IGSF5: variants seen among roughly 807,000 people sequenced by gnomAD.
IGSF5 encodes immunoglobulin superfamily 5 like.
IGSF5 carries 41 observed loss-of-function variants against 39.4 expected under a neutral mutation model. That is an observed-to-expected ratio of 1.04 (90% CI 0.81 to 1.35). IGSF5 has a LOEUF of 1.35. IGSF5 is among the 40% of genes most tolerant of loss of function. The probability of loss-of-function intolerance (pLI) is 0.00; values close to 1 mark genes in which losing one functional copy is unlikely to be tolerated. For synonymous variants in IGSF5, 183 were observed against 175.3 expected (o/e 1.04, Z -0.34); for missense variants, 487 against 494.6 (o/e 0.98, Z 0.15).
chr21:39,744,557 A>G (rs1322894040), upstream of IGSF5, among the ~76,000 whole-genome samples: 1 of 152,184 alleles, frequency 6.6e-6, no homozygotes, highest in African/African-American at 2.4e-5. Flanking sequence ...GGAACCATCT[A>G]TCATCCTGTC....
At chr21:39,794,170 G>A (rs1043906905) in intron 8 of IGSF5, among the ~76,000 whole-genome samples, 6 of 152,230 alleles carry the variant, frequency 3.9e-5, no homozygotes, top group Non-Finnish European at 7.3e-5. Context: ...GGAGAGAGGA[G>A]GAGTCCTTGA....
chr21:39,738,376 C>T, the IGSF5 span, among the ~76,000 whole-genome samples: 2 of 152,234 alleles, frequency 1.3e-5, no homozygotes. This position sits in a 1 kb window ranked among gnomAD's most constrained non-coding sequence, Gnocchi z 6.4. Context: ...ATTCAATTAG[C>T]TCCCTCTGGG....
At chr21:39,764,352 A>G (rs2080075518) in intron 2 of IGSF5, among the ~76,000 whole-genome samples, 2 of 151,924 alleles carry the variant, frequency 1.3e-5, no homozygotes, top group Non-Finnish European at 2.9e-5. Flanking sequence ...CTGCCTTGCC[A>G]TTTTTTTAGA....
chr21:39,787,199 T>C (rs2086927288), intron 5 of IGSF5, among the ~76,000 whole-genome samples: 2 of 152,342 alleles, frequency 1.3e-5, no homozygotes, highest in Non-Finnish European at 1.5e-5. Flanking sequence ...CTGGTGGCGT[T>C]GGAGGCATTC....
At chr21:39,768,660 AT>A (rs1156242680) in intron 3 of IGSF5, among the ~76,000 whole-genome samples, 5 of 152,180 alleles carry the variant, frequency 3.3e-5, no homozygotes, top group Admixed American at 3.3e-4. Flanking sequence ...CAGTTCTGTC[AT>A]CTTAAACCGT....
Position 39,779,162 on chromosome 21 carries a change from G to C in IGSF5, c.791G>C (p.Trp264Ser). 6.2e-7 allele frequency: 1 copy of C among 1,614,058 alleles called. No individual in the cohort carries two copies. The highest frequency in any genetic ancestry group is 8.5e-7 in the Non-Finnish European group (1 of 1,179,976). Residue 264 changes from tryptophan to serine, a missense_variant, in exon 5 of 9, where the codon TGG becomes TCG. Physicochemically the swap from Trp to Ser is radical, Grantham distance 177. Transcript: ENST00000380588. ...AGTTTAGGTTTTTCATTGCCTACTT[G>C]GGGCAAAGTTGGACTTGGACTAGCA... Reference protein sequence around the residue: ...LPSLGFSLPTWGKVGLGLAGT... With the variant: ...LPSLGFSLPTSGKVGLGLAGT...
At chr21:39,793,797 C>A (rs569984199) in intron 8 of IGSF5, among the ~76,000 whole-genome samples, 184 bp downstream of exon 8, 2 of 152,238 alleles carry the variant, frequency 1.3e-5, no homozygotes, top group East Asian at 3.9e-4. Flanking sequence ...TGTTTCTTGC[C>A]CTCAGTAGCA....
At chr21:39,721,100 C>T in the IGSF5 span, among the ~76,000 whole-genome samples, 5 of 152,068 alleles carry the variant, frequency 3.3e-5, no homozygotes, top group Non-Finnish European at 7.4e-5. Flanking sequence ...AGTGAAGCAT[C>T]TTATAAACTT....
chr21:39,768,528 T>C (rs2837191), intron 3 of IGSF5, among the ~76,000 whole-genome samples: 47,458 of 152,044 alleles, frequency 0.31, 8,004 homozygotes, highest in Non-Finnish European at 0.39. Flanking sequence ...GCTGAGTTGG[T>C]CCACTTGCTG....
chr21:39,792,114 G>T lies in IGSF5; in HGVS notation c.1048+15G>T. 2 of 1,572,110 alleles carry T rather than the reference G, an allele frequency of 1.3e-6. No individual in the cohort carries two copies. Among genetic ancestry groups the T allele is most frequent in the South Asian group, 2.3e-5 (2 of 87,636 alleles). On this transcript the variant is annotated intron_variant, in intron 7 of 8. Coordinates refer to ENST00000380588, the MANE Select transcript of IGSF5 (RefSeq NM_001080444.2). ...AAAGACCACAGGTGAGTAGACAAGA[G>T]GGGTGGTGAAAAGACCTGGGAAAGA...
intron 2 of IGSF5, chr21:39,751,328 G>A (rs918484745): frequency 6.6e-6 from 1 of 152,240 alleles, no homozygotes; most frequent in Non-Finnish European, 1.5e-5. Context: ...CCTGTCATCT[G>A]GGGTAAGACA....
intron 2 of IGSF5, among the ~76,000 whole-genome samples, chr21:39,757,860 A>C (rs913029970): frequency 6.6e-6 from 1 of 152,136 alleles, no homozygotes; most frequent in Admixed American, 6.5e-5. Flanking sequence ...TACAGGCGTG[A>C]GCCACCGCGC....
intron 2 of IGSF5, among the ~76,000 whole-genome samples, chr21:39,763,913 A>G (rs183871254): frequency 5.5e-4 from 83 of 152,202 alleles, no homozygotes; most frequent in Non-Finnish European, 1.6e-4. Context: ...GTTCAAAGAG[A>G]TCTTGGATCA....
At chr21:39,741,002 G>T (rs1335998230), upstream of IGSF5, among the ~76,000 whole-genome samples, 1 of 152,074 alleles carries the variant, frequency 6.6e-6, no homozygotes, top group East Asian at 1.9e-4. Context: ...CTGACCCTTT[G>T]CCACTACATC....
chr21:39,735,017 C>T, the IGSF5 span, among the ~76,000 whole-genome samples: 7 of 151,970 alleles, frequency 4.6e-5, no homozygotes, highest in African/African-American at 1.2e-4. Flanking sequence ...GTGTGTGCCA[C>T]CACACCTGGA....
In IGSF5 at chr21:39,788,186, A is replaced by AAAGT; in HGVS notation, c.956+3_956+6dup. 1 of 1,590,468 alleles carries AAAGT rather than the reference A, an allele frequency of 6.3e-7. No homozygotes were observed. Among genetic ancestry groups the AAAGT allele is most frequent in the Non-Finnish European group, 8.6e-7 (1 of 1,162,192 alleles). ...TTGCAGGATTTCGTATTCAATTTCAAAAGTAAGTTTGAAACCACATCTATT... is the reference window on the plus strand; with the variant it reads ...TTGCAGGATTTCGTATTCAATTTCAAAAGTAAGTAAGTTTGAAACCACATCTATT... On this transcript the variant is annotated frameshift_variant and splice_region_variant, in exon 6 of 9. Coordinates refer to ENST00000380588, the MANE Select transcript of IGSF5 (RefSeq NM_001080444.2). LOFTEE classifies it high-confidence loss of function.
intron 5 of IGSF5, among the ~76,000 whole-genome samples, chr21:39,787,110 A>G (rs1248874179): frequency 6.6e-6 from 1 of 152,214 alleles, no homozygotes; most frequent in Non-Finnish European, 1.5e-5. Flanking sequence ...AAGTATTAAA[A>G]AAAAAATGCA....
chr21:39,742,279 A>G (rs1041423719), upstream of IGSF5, among the ~76,000 whole-genome samples: 1 of 152,174 alleles, frequency 6.6e-6, no homozygotes, highest in Non-Finnish European at 1.5e-5. Flanking sequence ...AAAGCATGTG[A>G]AAAGGGTAAA....
At chr21:39,751,395 G>T (rs1190314263) in intron 2 of IGSF5, 1 of 152,240 alleles carries the variant, frequency 6.6e-6, no homozygotes, top group Non-Finnish European at 1.5e-5. Context: ...TCTCCATAGG[G>T]CCCCTCAAGC....
Sources: allele counts gnomAD v4.1 joint callset (sites outside exome capture counted in the v4.1 genomes callset), GRCh38; gene constraint gnomAD v4.1.1; non-coding constraint Gnocchi (gnomAD v3.1); transcripts MANE v1.5; gene names NCBI Gene and HGNC (gene_info 2026-07-23, HGNC 2026-07-21).